The following ST6GALNAC3 variants were observed in gnomAD, a reference collection of about 807,000 sequenced individuals.
The protein encoded by ST6GALNAC3 is ST6 N-acetylgalactosaminide alpha-2,6-sialyltransferase 3, also known as alpha-N-acetylgalactosaminide alpha-2,6-sialyltransferase 3.
ST6GALNAC3 carries 25 observed loss-of-function variants against 32.7 expected under a neutral mutation model. That is an observed-to-expected ratio of 0.76 (90% CI 0.56 to 1.07). The LOEUF is 1.07. Among genes scored for constraint, ST6GALNAC3 ranks in the 50% least tolerant of loss-of-function variants. ST6GALNAC3 has a pLI of 0.00. For synonymous variants in ST6GALNAC3, 129 were observed against 133.1 expected (o/e 0.97, Z 0.21); for missense variants, 355 against 382.4 (o/e 0.93, Z 0.60).
chr1:76,477,231 T>A (rs1659411009), intron 3 of ST6GALNAC3, among the ~76,000 whole-genome samples: 1 of 151,152 alleles, frequency 6.6e-6, no homozygotes, highest in African/African-American at 2.4e-5. Flanking sequence ...ATCCAGCATT[T>A]TTTTTTTTGG....
intron 3 of ST6GALNAC3, among the ~76,000 whole-genome samples, chr1:76,603,789 C>T (rs1405893712): frequency 6.6e-6 from 1 of 152,202 alleles, no homozygotes; most frequent in African/African-American, 2.4e-5. Context: ...CCTTCCACCT[C>T]AGTCCCCTGA....
chr1:76,174,598 A>G (rs1652730260), intron 1 of ST6GALNAC3, among the ~76,000 whole-genome samples: 1 of 150,986 alleles, frequency 6.6e-6, no homozygotes, highest in African/African-American at 2.4e-5. Flanking sequence ...TCTTTTACTT[A>G]GCTCAGATCA....
rs1025901727 is a variant in ST6GALNAC3 at position 76,385,804 on chromosome 1, G to A, written c.214-26204G>A. Among the ~76,000 whole-genome samples the A allele has an allele frequency of 3.0e-4, 45 of 152,016 alleles. 1 individual carries two copies. Among genetic ancestry groups the A allele is most frequent in the Admixed American group, 3.0e-3 (45 of 15,246 alleles). On this transcript the variant is annotated intron_variant, in intron 2 of 4. Coordinates refer to ENST00000328299, the MANE Select transcript of ST6GALNAC3 (RefSeq NM_152996.4). ...TGAGCTTACATTGATGACAAGTTTG[G>A]CTTATGAACTAGGACCTTAAGTAGA...
intron 1 of ST6GALNAC3, among the ~76,000 whole-genome samples, chr1:76,181,213 C>T (rs1006025892): frequency 6.6e-5 from 10 of 152,166 alleles, no homozygotes; most frequent in Admixed American, 2.0e-4. Flanking sequence ...AGGGAACCCC[C>T]CTGTTTCACC....
intron 1 of ST6GALNAC3, among the ~76,000 whole-genome samples, chr1:76,288,359 A>G (rs988244018): frequency 1.3e-5 from 2 of 152,156 alleles, no homozygotes; most frequent in Non-Finnish European, 2.9e-5. Flanking sequence ...CTTGATATGG[A>G]TGTTTTAACA....
chr1:76,631,139 G>C lies in ST6GALNAC3; in HGVS notation c.*2333G>C, dbSNP rs984552304. The C allele has an allele frequency of 3.4e-6, 2 of 589,972 alleles. No individual in the cohort carries two copies. Among genetic ancestry groups the C allele is most frequent in the African/African-American group, 2.0e-5 (1 of 49,230 alleles). 36.5% of individuals were successfully genotyped at this position (589,972 alleles called of 1,614,324 possible). A position where few individuals can be genotyped will look rare whatever the true frequency, so the allele number is the denominator to read the frequency against. On this transcript the variant is annotated 3_prime_UTR_variant, in exon 5 of 5. Transcript: ENST00000328299. ...CACTCTATAGCAGAAGGTGTGTGTGGAATATGTAGACTCCAGTGTTTTCTT... is the reference window on the plus strand; with the variant it reads ...CACTCTATAGCAGAAGGTGTGTGTGCAATATGTAGACTCCAGTGTTTTCTT...
intron 3 of ST6GALNAC3, among the ~76,000 whole-genome samples, chr1:76,541,269 C>T (rs1663970234): frequency 2.0e-5 from 3 of 152,106 alleles, no homozygotes; most frequent in African/African-American, 7.2e-5. Context: ...CAATGGGGTC[C>T]CTCCGGGGGA....
intron 1 of ST6GALNAC3, among the ~76,000 whole-genome samples, chr1:76,162,090 A>AT (rs1478204588): frequency 6.6e-6 from 1 of 152,262 alleles, no homozygotes; most frequent in African/African-American, 2.4e-5. Flanking sequence ...TGGTTGCATC[A>AT]TTGCCCAAAC....
rs1023548212 is a variant in ST6GALNAC3, at chr1:76,136,759, T to A, written c.18+61875T>A. Among the ~76,000 whole-genome samples the A allele has an allele frequency of 2.0e-5, 3 of 152,218 alleles. No homozygotes were observed. In the South Asian group the frequency reaches 6.2e-4, roughly 32 times the overall value. ...AAGAAAGTTTAAAGTATTTGGGAAG[T>A]AATTTCTCTTTTATTTTTACTCCCT... On this transcript the variant is annotated intron_variant, in intron 1 of 4. Transcript: ENST00000328299.
intron 3 of ST6GALNAC3, among the ~76,000 whole-genome samples, chr1:76,534,462 TC>T (rs1441288022): frequency 2.6e-5 from 4 of 152,174 alleles, no homozygotes; most frequent in African/African-American, 9.7e-5. Context: ...CCCCTGTAAC[TC>T]CCCTTCTCTA....
chr1:76,382,948 A>C (rs1489522280), intron 2 of ST6GALNAC3, among the ~76,000 whole-genome samples: 1 of 152,158 alleles, frequency 6.6e-6, no homozygotes, highest in African/African-American at 2.4e-5. Flanking sequence ...ATAAAAACTT[A>C]CCTAGGTACG....
At chr1:76,318,530 G>A (rs1368842864) in intron 2 of ST6GALNAC3, among the ~76,000 whole-genome samples, 1 of 152,098 alleles carries the variant, frequency 6.6e-6, no homozygotes, top group African/African-American at 2.4e-5. Context: ...ACCAAAGCTT[G>A]GATCAGGAGT....
intron 3 of ST6GALNAC3, among the ~76,000 whole-genome samples, chr1:76,598,906 A>G (rs904830752): frequency 6.6e-6 from 1 of 152,196 alleles, no homozygotes; most frequent in African/African-American, 2.4e-5. Context: ...TAAAATCTAA[A>G]CATGTCTAAC....
intron 1 of ST6GALNAC3, among the ~76,000 whole-genome samples, chr1:76,182,466 G>T (rs7539882): frequency 0.52 from 78,472 of 152,038 alleles, 22,883 homozygotes; most frequent in East Asian, 0.88. Context: ...TGACTTCATA[G>T]AAGTTTCTAT....
rs1277851278 is a variant in ST6GALNAC3 at position 76,313,646 on chromosome 1, C to T, written c.19-159C>T. The T allele has an allele frequency of 4.6e-6, 4 of 864,912 alleles. No homozygotes were observed. In the Admixed American group the frequency reaches 5.7e-5, roughly 12 times the overall value. The allele number at this position is 864,912 out of a possible 1,614,324, so 53.6% of individuals were successfully genotyped here. A position where few individuals can be genotyped will look rare whatever the true frequency, so the allele number is the denominator to read the frequency against. ...GCCCAGCACACTAGGACAATTTGGT[C>T]ACCAAATAATTATTTTCCATTTCCA... On this transcript the variant is annotated intron_variant, in intron 1 of 4. Transcript: ENST00000328299.
chr1:76,455,509 T>G (rs747774601), intron 3 of ST6GALNAC3, among the ~76,000 whole-genome samples: 13 of 152,218 alleles, frequency 8.5e-5, no homozygotes, highest in Non-Finnish European at 1.9e-4. Flanking sequence ...AAACACCTCA[T>G]ACTCTTGCTT....
At position 76,547,212 on chromosome 1, in the gene ST6GALNAC3, C is replaced by T. The variant is rs546581081; in HGVS notation, c.624-80240C>T. On this transcript the variant is annotated intron_variant, in intron 3 of 4. Transcript: ENST00000328299. ...TATCTTATGGAATAACTTTTGTTTG[C>T]CAAAAGAGTATATGATCTGGGAACT... Among the ~76,000 whole-genome samples, 7 of 152,264 alleles carry T rather than the reference C, an allele frequency of 4.6e-5. No homozygotes were observed. In the East Asian group the frequency reaches 9.7e-4, roughly 21 times the overall value.
At chr1:76,230,629 C>T (rs1656315522) in intron 1 of ST6GALNAC3, among the ~76,000 whole-genome samples, 3 of 152,046 alleles carry the variant, frequency 2.0e-5, no homozygotes, top group African/African-American at 7.2e-5. Flanking sequence ...GTCTGGTTTG[C>T]TTTAATATAC....
intron 1 of ST6GALNAC3, among the ~76,000 whole-genome samples, chr1:76,105,603 A>T (rs889794039): frequency 6.6e-6 from 1 of 152,150 alleles, no homozygotes; most frequent in African/African-American, 2.4e-5. Flanking sequence ...TAGCTCATTT[A>T]ATTACCACTT....
Sources: gnomAD v4.1 joint callset for allele counts (sites outside exome capture counted in the v4.1 genomes callset) on GRCh38, gnomAD v4.1.1 for gene constraint, MANE v1.5 for transcripts, NCBI Gene and HGNC (gene_info 2026-07-23, HGNC 2026-07-21) for gene names.